Variants in ANKDD1A observed in about 807,000 individuals in gnomAD.
ANKDD1A encodes the protein ankyrin repeat and death domain containing 1A.
A neutral mutation model predicts 63.5 loss-of-function variants in ANKDD1A; 59 were observed. The observed-to-expected ratio is 0.93, with a 90% CI of 0.75 to 1.15. The LOEUF (loss-of-function observed/expected upper bound fraction) is 1.15, where lower values mean the gene tolerates loss of function less well. Ranked by LOEUF, ANKDD1A falls within the 50% of genes most tolerant of loss-of-function variation. The pLI is 0.00. For missense variants in ANKDD1A, 632 were observed against 656.4 expected, an observed-to-expected ratio of 0.96 and a Z score of 0.41; for synonymous variants, 266 against 263.9, an observed-to-expected ratio of 1.01 and a Z score of -0.08.
intron 14 of ANKDD1A, among the ~76,000 whole-genome samples, chr15:64,951,872 CTT>C (rs2085290426): frequency 1.1e-5 from 1 of 88,088 alleles, no homozygotes; most frequent in Non-Finnish European, 2.6e-5. Flanking sequence ...TCTTCTTTTT[CTT>C]TCTTCTTTCC....
chr15:64,912,899 C>T (rs2084942183), intron 1 of ANKDD1A, among the ~76,000 whole-genome samples: 1 of 152,110 alleles, frequency 6.6e-6, no homozygotes, highest in Non-Finnish European at 1.5e-5. Flanking sequence ...AGTGGGCCTG[C>T]GAAGAATGTG....
intron 12 of ANKDD1A, among the ~76,000 whole-genome samples, chr15:64,945,607 C>CTTATATATATATATATATATAT (rs1277861527): frequency 0.011 from 776 of 73,758 alleles, 77 homozygotes; most frequent in African/African-American, 0.046. Context: ...GCATTTTCAA[C>CTTATATATATATATATATATAT]ATATATATAT....
chr15:64,933,991 A>C, intron 8 of ANKDD1A, 145 bp from the exon 9 acceptor site: 1 of 590,864 alleles, frequency 1.7e-6, no homozygotes, highest in Non-Finnish European at 2.9e-6. Flanking sequence ...TGGGAAAGTC[A>C]TTGATTTTTC....
In ANKDD1A at chr15:64,915,914, T is replaced by A. The variant is rs746366968; in HGVS notation, c.138+14T>A. 4 of 1,610,772 alleles carry A rather than the reference T, an allele frequency of 2.5e-6. No individual in the cohort carries two copies. The highest frequency in any genetic ancestry group is 3.4e-6 in the Non-Finnish European group (4 of 1,177,942). ...GCCAGAAACCACGTGCGTAATGAGC[T>A]TCTCTGAATCCAGGCACCTGGGATA... On this transcript the variant is annotated intron_variant, in intron 2 of 14. Coordinates refer to ENST00000319580, the MANE Select transcript of ANKDD1A (RefSeq NM_182703.6).
At chr15:64,953,430 C>G (rs2085339513) in intron 14 of ANKDD1A, among the ~76,000 whole-genome samples, 1 of 25,706 alleles carries the variant, frequency 3.9e-5, no homozygotes, top group Non-Finnish European at 4.2e-4. Flanking sequence ...CTTCTTCTTC[C>G]TCCTCCTTCC....
intron 3 of ANKDD1A, among the ~76,000 whole-genome samples, chr15:64,921,104 G>A (rs1595847045): frequency 6.6e-6 from 1 of 152,016 alleles, no homozygotes; most frequent in Admixed American, 6.6e-5. Flanking sequence ...CTGAGTAGCT[G>A]GGACCACAGG....
At chr15:64,944,081 C>T (rs1394048765) in intron 11 of ANKDD1A, among the ~76,000 whole-genome samples, 1 of 152,174 alleles carries the variant, frequency 6.6e-6, no homozygotes, top group Non-Finnish European at 1.5e-5. Flanking sequence ...GCGAGGCCAG[C>T]CTAGTATGGT....
At chr15:64,951,564 C>CTGCTTTTTCTTTTTTTT (rs1595858394) in intron 14 of ANKDD1A, 1 of 122,692 alleles carries the variant, frequency 8.2e-6, no homozygotes, top group Non-Finnish European at 1.7e-5. Context: ...CTTTCTTTTT[C>CTGCTTTTTCTTTTTTTT]TTTTCTTTCT....
intron 14 of ANKDD1A, among the ~76,000 whole-genome samples, chr15:64,954,186 C>G (rs1351848906): frequency 4.0e-5 from 2 of 50,172 alleles, no homozygotes; most frequent in Non-Finnish European, 1.2e-4. Flanking sequence ...TTCTTCTTCT[C>G]CTTCTTTCTT....
Position 64,944,531 on chromosome 15 carries a change from T to C in ANKDD1A, c.1066-121T>C. The C allele has an allele frequency of 6.0e-6, 5 of 829,598 alleles. No homozygotes were observed. In the South Asian group the frequency reaches 9.8e-5, roughly 16 times the overall value. 51.4% of individuals were successfully genotyped at this position (829,598 alleles called of 1,614,324 possible). On this transcript the variant is annotated intron_variant, in intron 11 of 14. Coordinates refer to ENST00000319580, the MANE Select transcript of ANKDD1A (RefSeq NM_182703.6). ...CCAGAAAACCAGAAAACCTTTCTGCTCTCAGCGTAGACTGCTGGAAAGCAC... is the reference window on the plus strand; with the variant it reads ...CCAGAAAACCAGAAAACCTTTCTGCCCTCAGCGTAGACTGCTGGAAAGCAC...
intron 14 of ANKDD1A, among the ~76,000 whole-genome samples, chr15:64,954,011 CT>C (rs1158925639): frequency 2.3e-5 from 2 of 85,976 alleles, no homozygotes. Flanking sequence ...TTTCTTCTTC[CT>C]TCTTTCCTCT....
chr15:64,912,875 C>T (rs1488554293), intron 1 of ANKDD1A, among the ~76,000 whole-genome samples: 4 of 152,154 alleles, frequency 2.6e-5, no homozygotes, highest in Non-Finnish European at 5.9e-5. Context: ...CTGCCTGGGG[C>T]GGAGGATCAC....
intron 4 of ANKDD1A, chr15:64,922,605 A>G (rs1387024307): frequency 2.0e-5 from 3 of 152,238 alleles, no homozygotes; most frequent in Non-Finnish European, 4.4e-5. Flanking sequence ...AAAAAAATGC[A>G]TATTTATTTT....
chr15:64,950,986 A>G (rs2085265409), intron 14 of ANKDD1A: 8 of 1,272,962 alleles, frequency 6.3e-6, no homozygotes, highest in Non-Finnish European at 7.1e-6. Flanking sequence ...CGCAGCCCCG[A>G]GTGCCCCCAG....
At position 64,947,484 on chromosome 15, in the gene ANKDD1A, G is replaced by A. The variant is rs760445714; in HGVS notation, c.1242G>A (p.Val414=). 1.9e-6 allele frequency: 3 copies of A among 1,613,730 alleles called. No individual in the cohort carries two copies. In the Admixed American group the frequency reaches 5.0e-5, roughly 27 times the overall value. Residue 414 remains valine (V), a synonymous_variant, in exon 13 of 15, where the codon GTG becomes GTA. Coordinates refer to ENST00000319580, the MANE Select transcript of ANKDD1A (RefSeq NM_182703.6). ...HRQETQQLRS[V]LWRLASRYLQ... is the part of the protein sequence containing the mutation. ...AGGAAACACAGCAGCTCCGTTCTGTGCTGTGGCGGCTGGCCTCCAGGTATC... is the reference window on the plus strand; with the variant it reads ...AGGAAACACAGCAGCTCCGTTCTGTACTGTGGCGGCTGGCCTCCAGGTATC...
intron 4 of ANKDD1A, among the ~76,000 whole-genome samples, chr15:64,924,344 C>T (rs912921164): frequency 6.6e-6 from 1 of 152,274 alleles, no homozygotes; most frequent in Non-Finnish European, 1.5e-5. Context: ...GTATCACCTC[C>T]ATTGCATTCA....
chr15:64,929,134 G>A (rs978714649), intron 6 of ANKDD1A, among the ~76,000 whole-genome samples: 1 of 152,194 alleles, frequency 6.6e-6, no homozygotes, highest in African/African-American at 2.4e-5. Context: ...AAGCTGTTGA[G>A]GGCTTTTTAA....
chr15:64,942,524 C>T lies in ANKDD1A; in HGVS notation c.925C>T (p.Leu309Phe), dbSNP rs779937598. ...VRHNFPALVR[L>F]LINSDSDVNA... ...GCACAACTTCCCTGCCTTGGTCCGG[C>T]TCCTCATCAACTCCGACAGTGACGT... is the stretch of plus-strand genomic sequence containing the variant. Residue 309 changes from leucine (L) to phenylalanine (F), a missense_variant, in exon 10 of 15, where the codon CTC becomes TTC. Coordinates refer to ENST00000319580, the MANE Select transcript of ANKDD1A (RefSeq NM_182703.6). 4 of 1,613,866 alleles carry T rather than the reference C, an allele frequency of 2.5e-6. No individual in the cohort carries two copies. In the Admixed American group the frequency reaches 5.0e-5, roughly 20 times the overall value.
At position 64,944,818 on chromosome 15, in the gene ANKDD1A, T is replaced by C. The variant is rs2085211015; in HGVS notation, c.1161+71T>C. Reference sequence around the variant, plus strand: ...ATTTTGGCTCCAGATGGAGCTGGCTTTGAACCCTAGGCCTGACCAATTCTG... The same window carrying C: ...ATTTTGGCTCCAGATGGAGCTGGCTCTGAACCCTAGGCCTGACCAATTCTG... On this transcript the variant is annotated intron_variant, in intron 12 of 14. Transcript: ENST00000319580. 9.1e-6 allele frequency: 14 copies of C among 1,541,848 alleles called. No homozygotes were observed. In the South Asian group the frequency reaches 1.6e-4, roughly 18 times the overall value.
Sources: gnomAD v4.1 joint callset for allele counts (sites outside exome capture counted in the v4.1 genomes callset) on GRCh38, gnomAD v4.1.1 for gene constraint, MANE v1.5 for transcripts, NCBI Gene and HGNC (gene_info 2026-07-23, HGNC 2026-07-21) for gene names.